SCAMP2: variants seen among roughly 807,000 people sequenced by gnomAD.
SCAMP2 encodes the protein secretory carrier membrane protein 2.
SCAMP2 carries 25 observed loss-of-function variants against 44.1 expected under a neutral mutation model. That is an observed-to-expected ratio of 0.57 (90% CI 0.41 to 0.79). SCAMP2 has a LOEUF of 0.79. Ranked by LOEUF, SCAMP2 falls within the 30% of genes least tolerant of loss-of-function variation. The pLI is 0.00. For missense variants in SCAMP2, 355 were observed against 411.0 expected (o/e 0.86, Z 1.18); for synonymous variants, 156 against 166.0 (o/e 0.94, Z 0.46).
intron 1 of SCAMP2, among the ~76,000 whole-genome samples, chr15:74,857,172 C>G (rs1224731242): frequency 2.0e-5 from 3 of 152,214 alleles, no homozygotes; most frequent in African/African-American, 7.2e-5. Flanking sequence ...CCAGAACTCA[C>G]TGTGTCTGGA....
chr15:74,862,804 A>G (rs2064515714), intron 1 of SCAMP2, among the ~76,000 whole-genome samples: 1 of 143,084 alleles, frequency 7.0e-6, no homozygotes, highest in Admixed American at 7.1e-5. Flanking sequence ...CCTGGGTGAC[A>G]GGGCGAGACT....
At chr15:74,845,620 G>T in intron 7 of SCAMP2, 27 bp from the exon 8 acceptor site, 1 of 1,612,582 alleles carries the variant, frequency 6.2e-7, no homozygotes, top group South Asian at 1.1e-5. Context: ...AGGCCAGAGG[G>T]AGCAAAGTGG....
At position 74,862,288 on chromosome 15, in the gene SCAMP2, AATTC is replaced by A. The variant is rs2064511513; in HGVS notation, c.58-7643_58-7640del. On this transcript the variant is annotated intron_variant, in intron 1 of 8. Coordinates refer to ENST00000268099, the MANE Select transcript of SCAMP2 (RefSeq NM_005697.5). ...CAAAAAAAAAAAAAAAAAAAAAAAA[AATTC>A]CTGGCCAGGTGCAATGGCTCACACC... Among the ~76,000 whole-genome samples the A allele has an allele frequency of 1.6e-5, 2 of 121,438 alleles. 1 individual carries two copies. The highest frequency in any genetic ancestry group is 1.1e-4 in the African/African-American group (2 of 18,754). 79.7% of individuals were successfully genotyped at this position (121,438 alleles called of 152,430 possible).
At chr15:74,852,260 C>T (rs2064440767) in intron 3 of SCAMP2, 74 bp from the exon 4 acceptor site, 3 of 1,107,672 alleles carry the variant, frequency 2.7e-6, no homozygotes, top group South Asian at 2.1e-5. Flanking sequence ...GGTAGGCAGG[C>T]AGAGAGGCCT....
chr15:74,864,027 C>A (rs1393127791), intron 1 of SCAMP2, among the ~76,000 whole-genome samples: 1 of 152,134 alleles, frequency 6.6e-6, no homozygotes, highest in African/African-American at 2.4e-5. Flanking sequence ...ACCACACTTG[C>A]AAAGCCACAG....
chr15:74,845,386 G>A (rs2064392300), intron 8 of SCAMP2, 87 bp downstream of exon 8: 1 of 1,604,616 alleles, frequency 6.2e-7, no homozygotes, highest in Non-Finnish European at 8.5e-7. Flanking sequence ...ATGCCCAACT[G>A]CAGTGGTGAA....
chr15:74,859,774 G>A (rs1050917302), intron 1 of SCAMP2, among the ~76,000 whole-genome samples: 2 of 151,890 alleles, frequency 1.3e-5, no homozygotes, highest in African/African-American at 2.4e-5. Context: ...ATACCACCAC[G>A]CCCGGCTAAT....
chr15:74,873,091 A>G (rs958452672), intron 1 of SCAMP2, 108 bp downstream of exon 1: 4 of 996,368 alleles, frequency 4.0e-6, no homozygotes, highest in Non-Finnish European at 5.5e-6. Flanking sequence ...CATTGGGCAG[A>G]TGACCCGTCC....
chr15:74,851,216 C>T (rs1323215261), intron 5 of SCAMP2, 137 bp downstream of exon 5: 2 of 1,041,058 alleles, frequency 1.9e-6, no homozygotes, highest in African/African-American at 1.6e-5. Flanking sequence ...GGCATCTCCC[C>T]AACCCAGCCC....
chr15:74,852,015 G>C (rs2064438510), intron 4 of SCAMP2, 54 bp downstream of exon 4: 1 of 1,307,126 alleles, frequency 7.7e-7, no homozygotes, highest in Non-Finnish European at 1.0e-6. Flanking sequence ...ACAGGTTTCA[G>C]GACACTCTTC....
chr15:74,862,715 G>A (rs1445565426), intron 1 of SCAMP2, among the ~76,000 whole-genome samples: 1 of 151,384 alleles, frequency 6.6e-6, no homozygotes, highest in African/African-American at 2.4e-5. Flanking sequence ...CCAGCTACTT[G>A]GGAGGCTGAG....
intron 1 of SCAMP2, among the ~76,000 whole-genome samples, chr15:74,862,853 TACACACACACACACACACACACACAC>T (rs112611741): frequency 2.3e-5 from 2 of 87,482 alleles, no homozygotes; most frequent in Non-Finnish European, 4.7e-5. Flanking sequence ...AAACAAACCA[TACACACACACACACACACACACACAC>T]ACACACACAC....
Position 74,859,060 on chromosome 15 carries a change from A to G in SCAMP2, c.58-4411T>C, listed in dbSNP as rs547745883. ...CCTGACCTTGTGATCCGCCCACCTCAGCCTCCGAAAGTGGTGGGATTCAGG... is the reference window on the plus strand; with the variant it reads ...CCTGACCTTGTGATCCGCCCACCTCGGCCTCCGAAAGTGGTGGGATTCAGG... On this transcript the variant is annotated intron_variant, in intron 1 of 8. Coordinates refer to ENST00000268099, the MANE Select transcript of SCAMP2 (RefSeq NM_005697.5). 2.7e-3 allele frequency among the ~76,000 whole-genome samples: 410 copies of G among 152,016 alleles called. 1 individual carries two copies. Among genetic ancestry groups the G allele is most frequent in the Non-Finnish European group, 4.7e-3 (322 of 67,976 alleles).
In SCAMP2 at chr15:74,873,155, C is replaced by A. The variant is rs934217838; in HGVS notation, c.57+44G>T. The A allele has an allele frequency of 3.5e-6, 5 of 1,410,906 alleles. No individual in the cohort carries two copies. The East Asian group carries it at 1.2e-4, about 35-fold the overall frequency. The allele number at this position is 1,410,906 out of a possible 1,614,324, so 87.4% of individuals were successfully genotyped here. A position where few individuals can be genotyped will look rare whatever the true frequency, so the allele number is the denominator to read the frequency against. ...GAGAGGCCCGGGCGGCGGCCGTGGG[C>A]CCTAGGGAAATCTGAGAGCTGGATG... On this transcript the variant is annotated intron_variant, in intron 1 of 8. Coordinates refer to ENST00000268099, the MANE Select transcript of SCAMP2 (RefSeq NM_005697.5).
chr15:74,864,122 C>T (rs761589734), intron 1 of SCAMP2, among the ~76,000 whole-genome samples: 1 of 152,090 alleles, frequency 6.6e-6, no homozygotes, highest in Non-Finnish European at 1.5e-5. Flanking sequence ...AGTGCAGTGG[C>T]GTGATCTCAG....
intron 1 of SCAMP2, among the ~76,000 whole-genome samples, chr15:74,858,910 A>G (rs1036819319): frequency 1.4e-5 from 2 of 143,218 alleles, no homozygotes; most frequent in South Asian, 2.2e-4. Flanking sequence ...CCGGGTTCAC[A>G]CCATTCTCCT....
intron 1 of SCAMP2, among the ~76,000 whole-genome samples, chr15:74,865,852 G>A (rs1263758238): frequency 6.7e-6 from 1 of 149,740 alleles, no homozygotes; most frequent in Non-Finnish European, 1.5e-5. Flanking sequence ...TTGGGAGGCT[G>A]AGATGGGAGG....
intron 1 of SCAMP2, 69 bp from the exon 2 acceptor site, chr15:74,854,718 G>C: frequency 7.2e-7 from 1 of 1,388,306 alleles, no homozygotes; most frequent in Non-Finnish European, 1.0e-6. Flanking sequence ...CAGGCGAGCC[G>C]GTGACGCCTG....
At position 74,854,139 on chromosome 15, in the gene SCAMP2, A is replaced by C; in HGVS notation, c.127-20T>G. ...ATTTGTCTACATGGAACAAATCAAA[A>C]GACAGAATTGAGTGGGACTCCATTA... On this transcript the variant is annotated intron_variant, in intron 2 of 8. Transcript: ENST00000268099. 1 of 1,606,308 alleles carries C rather than the reference A, an allele frequency of 6.2e-7. No individual in the cohort carries two copies.
Sources: allele counts gnomAD v4.1 joint callset (sites outside exome capture counted in the v4.1 genomes callset), GRCh38; gene constraint gnomAD v4.1.1; transcripts MANE v1.5; gene names NCBI Gene and HGNC (gene_info 2026-07-23, HGNC 2026-07-21).